IQUB: variants seen among roughly 807,000 people sequenced by gnomAD.
IQUB encodes IQ motif and ubiquitin domain containing.
IQUB carries 86 observed loss-of-function variants against 86.4 expected under a neutral mutation model. The ratio of observed to expected loss-of-function variants is 1.00; its 90% CI spans 0.84 to 1.19. IQUB has a LOEUF of 1.19. Among genes scored for constraint, IQUB ranks in the 50% most tolerant of loss-of-function variants. IQUB has a pLI of 0.00. For missense variants in IQUB, 946 were observed against 916.9 expected, an observed-to-expected ratio of 1.03 and a Z score of -0.41; for synonymous variants, 289 against 304.5, an observed-to-expected ratio of 0.95 and a Z score of 0.53.
chr7:123,503,471 C>A (rs2117210840), intron 3 of IQUB, 108 bp from the exon 4 acceptor site: 2 of 658,428 alleles, frequency 3.0e-6, no homozygotes, highest in East Asian at 5.5e-5. Context: ...ATATTGTGTA[C>A]AGCATGCTTT....
intron 9 of IQUB, among the ~76,000 whole-genome samples, chr7:123,468,966 C>T (rs1186883750): frequency 6.6e-6 from 1 of 152,118 alleles, no homozygotes; most frequent in Non-Finnish European, 1.5e-5. Flanking sequence ...TATGTAATTA[C>T]TAATCTCATG....
chr7:123,470,261 ACTGT>A (rs1279580336), intron 8 of IQUB, among the ~76,000 whole-genome samples: 1 of 152,182 alleles, frequency 6.6e-6, no homozygotes, highest in East Asian at 1.9e-4. Context: ...GTGAACACTT[ACTGT>A]CTATTAGCTC....
At chr7:123,493,327 T>C (rs1441754549) in intron 7 of IQUB, among the ~76,000 whole-genome samples, 2 of 152,136 alleles carry the variant, frequency 1.3e-5, no homozygotes, top group Non-Finnish European at 2.9e-5. Context: ...CCTACCTTAC[T>C]AACCTCTTCA....
At chr7:123,530,486 A>C (rs2117396006) in intron 1 of IQUB, among the ~76,000 whole-genome samples, 1 of 152,170 alleles carries the variant, frequency 6.6e-6, no homozygotes, top group Admixed American at 6.5e-5. Context: ...ACAACACCAA[A>C]AAACCCTCCA....
intron 6 of IQUB, 111 bp downstream of exon 6, chr7:123,502,485 AC>A (rs1795988163): frequency 1.1e-6 from 1 of 872,374 alleles, no homozygotes; most frequent in Non-Finnish European, 1.8e-6. Context: ...TATGACCCAT[AC>A]TCATGAGCAT....
chr7:123,497,595 TGA>T (rs1312506747), intron 6 of IQUB, among the ~76,000 whole-genome samples: 1 of 151,956 alleles, frequency 6.6e-6, no homozygotes, highest in Non-Finnish European at 1.5e-5. Flanking sequence ...CATTTTTTTC[TGA>T]GAGTTTATAA....
intron 11 of IQUB, among the ~76,000 whole-genome samples, chr7:123,459,092 C>G (rs1793858204): frequency 6.6e-6 from 1 of 151,840 alleles, no homozygotes; most frequent in Non-Finnish European, 1.5e-5. Context: ...GGGGGGGAAG[C>G]TACTGGACAC....
At chr7:123,472,583 ATAAC>A (rs1794578829) in intron 8 of IQUB, among the ~76,000 whole-genome samples, 2 of 152,212 alleles carry the variant, frequency 1.3e-5, no homozygotes, top group Non-Finnish European at 2.9e-5. Context: ...AATCTGAAGA[ATAAC>A]TAGGAGTTAG....
chr7:123,487,076 C>T (rs12670386), intron 7 of IQUB, among the ~76,000 whole-genome samples: 41,595 of 151,914 alleles, frequency 0.27, 5,849 homozygotes, highest in East Asian at 0.33. Flanking sequence ...ATTCTCAAGA[C>T]AGTGAGTGAG....
intron 1 of IQUB, among the ~76,000 whole-genome samples, chr7:123,516,078 T>C (rs1796623650): frequency 1.3e-5 from 2 of 152,292 alleles, no homozygotes; most frequent in East Asian, 3.9e-4. Flanking sequence ...GATTATCCCT[T>C]ACTAGAAAGA....
rs772719644 is a variant in IQUB at position 123,502,587 on chromosome 7, G to C, written c.1023+10C>G. The C allele has an allele frequency of 1.2e-6, 2 of 1,606,970 alleles. No homozygotes were observed. The highest frequency in any genetic ancestry group is 2.2e-5 in the East Asian group (1 of 44,784). On this transcript the variant is annotated intron_variant, in intron 6 of 12. Coordinates refer to ENST00000324698, the MANE Select transcript of IQUB (RefSeq NM_178827.5). ...TTTTTAGTATTCATCCACAATAAAA[G>C]TTATCTCACCGCCTTTAGTCTTTGA... is the stretch of plus-strand genomic sequence containing the variant.
intron 9 of IQUB, among the ~76,000 whole-genome samples, chr7:123,467,865 A>G (rs1369093946): frequency 6.6e-6 from 1 of 152,180 alleles, no homozygotes; most frequent in East Asian, 1.9e-4. Context: ...AGAGGTCCTA[A>G]TTCCTGGAGG....
chr7:123,510,086 A>C, intron 2 of IQUB, 51 bp from the exon 3 acceptor site: 4 of 1,154,336 alleles, frequency 3.5e-6, no homozygotes, highest in Non-Finnish European at 5.0e-6. Flanking sequence ...AGCAAAGGTC[A>C]GCAAACTACA....
At chr7:123,521,681 C>CAG (rs1554366626) in intron 1 of IQUB, among the ~76,000 whole-genome samples, 16 of 151,124 alleles carry the variant, frequency 1.1e-4, no homozygotes, top group African/African-American at 2.4e-4. Flanking sequence ...CACACACACA[C>CAG]AGAGATCACA....
chr7:123,458,733 T>C (rs574140254), intron 11 of IQUB, among the ~76,000 whole-genome samples: 2 of 152,142 alleles, frequency 1.3e-5, no homozygotes, highest in Middle Eastern at 3.4e-3. Flanking sequence ...ATAAGTGTGG[T>C]TGACAGTCTC....
At chr7:123,505,012 A>C (rs1195410290) in intron 3 of IQUB, among the ~76,000 whole-genome samples, 1 of 152,248 alleles carries the variant, frequency 6.6e-6, no homozygotes, top group Non-Finnish European at 1.5e-5. Context: ...ACCCATTCCA[A>C]AATGGAGAAA....
At chr7:123,498,422 A>G (rs17146045) in intron 6 of IQUB, among the ~76,000 whole-genome samples, 1,800 of 152,286 alleles carry the variant, frequency 0.012, 34 homozygotes, top group African/African-American at 0.04. Flanking sequence ...AGAGAAAGGA[A>G]AGGCTATCAG....
At chr7:123,507,091 A>G (rs1796213467) in intron 3 of IQUB, among the ~76,000 whole-genome samples, 1 of 152,228 alleles carries the variant, frequency 6.6e-6, no homozygotes, top group Non-Finnish European at 1.5e-5. Context: ...GCAGTTAGGA[A>G]TGTGAACACT....
intron 10 of IQUB, chr7:123,462,913 A>ACT (rs1485323052): frequency 1.4e-5 from 6 of 443,110 alleles, no homozygotes; most frequent in South Asian, 9.6e-5. Context: ...ACAGAATTAA[A>ACT]CTCTACAAAT....
Sources: allele counts gnomAD v4.1 joint callset (sites outside exome capture counted in the v4.1 genomes callset), GRCh38; gene constraint gnomAD v4.1.1; transcripts MANE v1.5; gene names NCBI Gene and HGNC (gene_info 2026-07-23, HGNC 2026-07-21).